The following ST7 variants were observed in gnomAD, a reference collection of about 807,000 sequenced individuals.
ST7 encodes suppressor of tumorigenicity 7 protein.
A neutral mutation model predicts 78.7 loss-of-function variants in ST7; 28 were observed. That is an observed-to-expected ratio of 0.36 (90% CI 0.26 to 0.49). ST7 has a LOEUF of 0.49. Among genes scored for constraint, ST7 ranks in the 20% least tolerant of loss-of-function variants. The pLI, the probability that ST7 is intolerant of heterozygous loss-of-function variation, is 0.99. For missense variants in ST7, 418 were observed against 696.0 expected (o/e 0.60, Z 4.49); for synonymous variants, 247 against 249.6 (o/e 0.99, Z 0.10).
intron 1 of ST7, among the ~76,000 whole-genome samples, chr7:117,058,587 T>G (rs1361564753): frequency 6.6e-6 from 1 of 152,206 alleles, no homozygotes; most frequent in Admixed American, 6.5e-5. Flanking sequence ...GGGAAATATT[T>G]AAGAATTATA....
intron 9 of ST7, among the ~76,000 whole-genome samples, chr7:117,142,676 A>G (rs1563116545): frequency 6.6e-6 from 1 of 151,962 alleles, no homozygotes; most frequent in Non-Finnish European, 1.5e-5. Flanking sequence ...CAGTGGCATG[A>G]TCTTGGCTCA....
rs564489200 is a variant in ST7 at position 117,096,791 on chromosome 7, G to A, written c.152-2971G>A. On this transcript the variant is annotated intron_variant, in intron 1 of 15. Coordinates refer to ENST00000323984, the MANE Select transcript of ST7 (RefSeq NM_001369598.1). Reference sequence around the variant, plus strand: ...CACATGCCATGTCCTTATGATTTTTGCCAGATGTTTAATAAGATTATAAAT... The same window carrying A: ...CACATGCCATGTCCTTATGATTTTTACCAGATGTTTAATAAGATTATAAAT... 6.6e-5 allele frequency among the ~76,000 whole-genome samples: 10 copies of A among 152,192 alleles called. No homozygotes were observed. The East Asian group carries it at 1.7e-3, about 26-fold the overall frequency.
At chr7:117,072,947 A>G (rs1421283753) in intron 1 of ST7, 1 of 152,298 alleles carries the variant, frequency 6.6e-6, no homozygotes. Context: ...GGTAAACCAC[A>G]GCAAGAGGGA....
intron 13 of ST7, among the ~76,000 whole-genome samples, chr7:117,211,299 C>A (rs576996712): frequency 6.6e-6 from 1 of 152,342 alleles, no homozygotes; most frequent in Admixed American, 6.5e-5. Context: ...CTGCGTGGCA[C>A]CAGCAACTGT....
chr7:117,141,313 A>G (rs982944444), intron 9 of ST7, among the ~76,000 whole-genome samples: 1 of 152,198 alleles, frequency 6.6e-6, no homozygotes, highest in East Asian at 1.9e-4. Flanking sequence ...TTTCTCTGGA[A>G]ACACCTTAAG....
At chr7:116,955,971 T>G (rs1410895642) in intron 1 of ST7, among the ~76,000 whole-genome samples, 1 of 152,046 alleles carries the variant, frequency 6.6e-6, no homozygotes, top group Non-Finnish European at 1.5e-5. Flanking sequence ...ATTTCAGTCA[T>G]AAAGAAAGAT....
intron 1 of ST7, among the ~76,000 whole-genome samples, chr7:117,012,762 G>A (rs1031192179): frequency 6.6e-6 from 1 of 151,396 alleles, no homozygotes; most frequent in Non-Finnish European, 1.5e-5. Flanking sequence ...TGCTTAATTA[G>A]GATAATCTAT....
At chr7:116,993,775 G>C (rs1283799291) in intron 1 of ST7, among the ~76,000 whole-genome samples, 3 of 152,206 alleles carry the variant, frequency 2.0e-5, no homozygotes, top group African/African-American at 7.2e-5. Context: ...ATGAAATTGA[G>C]ACTCACCATG....
intron 1 of ST7, among the ~76,000 whole-genome samples, chr7:116,977,712 C>T (rs1340594006): frequency 6.6e-6 from 1 of 152,178 alleles, no homozygotes; most frequent in Non-Finnish European, 1.5e-5. Context: ...CCACCACGCC[C>T]AGCTAATTTT....
rs75751673 is a variant in ST7, at chr7:117,140,467, A to G, written c.963+1935A>G. ...GGGAGAATTAAATAAGATAATGTGA[A>G]AACACCTGACATATAGTAGGCATGC... On this transcript the variant is annotated intron_variant, in intron 9 of 15. Transcript: ENST00000323984. 3.5e-4 allele frequency among the ~76,000 whole-genome samples: 54 copies of G among 152,276 alleles called. 1 individual carries two copies. The East Asian group carries it at 9.6e-3, about 27-fold the overall frequency.
intron 1 of ST7, among the ~76,000 whole-genome samples, chr7:117,050,757 C>T (rs866691979): frequency 3.8e-4 from 57 of 151,888 alleles, no homozygotes; most frequent in African/African-American, 1.2e-3. Flanking sequence ...GGTGAAACCC[C>T]GTCTCTACTA....
chr7:117,048,628 C>T lies in ST7; in HGVS notation c.152-51134C>T, dbSNP rs137963927. On this transcript the variant is annotated intron_variant, in intron 1 of 15. Transcript: ENST00000323984. ...CACCTGCTCCTTTTTGCCATATCTG[C>T]GGTCTCTTTCATGGTTTCCTTGATA... 6.6e-5 allele frequency among the ~76,000 whole-genome samples: 10 copies of T among 152,252 alleles called. No homozygotes were observed. In the South Asian group the frequency reaches 1.7e-3, roughly 25 times the overall value.
At chr7:116,968,573 T>C (rs1793260532) in intron 1 of ST7, 1 of 315,408 alleles carries the variant, frequency 3.2e-6, no homozygotes, top group Non-Finnish European at 6.6e-6. Flanking sequence ...TGAGTCATAC[T>C]ATTAGCGAGT....
At chr7:116,965,335 G>A (rs1377273606) in intron 1 of ST7, among the ~76,000 whole-genome samples, 3 of 122,980 alleles carry the variant, frequency 2.4e-5, no homozygotes, top group African/African-American at 1.0e-4. Flanking sequence ...GTGAGACTCC[G>A]TCTCAAAAAA....
At chr7:116,976,088 C>T (rs1039855845) in intron 1 of ST7, among the ~76,000 whole-genome samples, 7 of 152,004 alleles carry the variant, frequency 4.6e-5, no homozygotes, top group African/African-American at 1.7e-4. Context: ...TGGTGAAACC[C>T]CTTCTCTACT....
At chr7:117,181,883 G>A (rs548526577) in intron 10 of ST7, among the ~76,000 whole-genome samples, 5 of 152,238 alleles carry the variant, frequency 3.3e-5, no homozygotes, top group African/African-American at 1.2e-4. Flanking sequence ...TTCTGAAATA[G>A]GAGAATACCA....
intron 1 of ST7, among the ~76,000 whole-genome samples, chr7:117,050,702 G>A (rs969821018): frequency 6.6e-6 from 1 of 152,082 alleles, no homozygotes; most frequent in Non-Finnish European, 1.5e-5. Flanking sequence ...AGGCCGAGGC[G>A]AGTGGATCAC....
At chr7:117,040,577 G>A (rs1797161431) in intron 1 of ST7, among the ~76,000 whole-genome samples, 2 of 152,158 alleles carry the variant, frequency 1.3e-5, no homozygotes, top group Non-Finnish European at 2.9e-5. Context: ...ACATTTCAAC[G>A]GAGCAGGTTG....
intron 1 of ST7, among the ~76,000 whole-genome samples, chr7:117,007,453 A>G (rs1248592399): frequency 6.6e-6 from 1 of 152,196 alleles, no homozygotes; most frequent in Non-Finnish European, 1.5e-5. Context: ...AAGCTAGCAG[A>G]GGTTGGTTTA....
Sources: gnomAD v4.1 joint callset for allele counts (sites outside exome capture counted in the v4.1 genomes callset) on GRCh38, gnomAD v4.1.1 for gene constraint, MANE v1.5 for transcripts, NCBI Gene and HGNC (gene_info 2026-07-23, HGNC 2026-07-21) for gene names.